SAMD13: variants seen among roughly 807,000 people sequenced by gnomAD.
SAMD13 encodes sterile alpha motif domain-containing protein 13.
In SAMD13, 9 loss-of-function variants were observed where a neutral mutation model predicts 12.4. That is an observed-to-expected ratio of 0.72 (90% CI 0.44 to 1.26). SAMD13 has a LOEUF of 1.26. Among genes scored for constraint, SAMD13 ranks in the 50% most tolerant of loss-of-function variants. SAMD13 has a pLI of 0.00. For synonymous variants in SAMD13, 46 were observed against 45.4 expected, an observed-to-expected ratio of 1.01 and a Z score of -0.05; for missense variants, 84 against 119.6, an observed-to-expected ratio of 0.70 and a Z score of 1.39.
intron 2 of SAMD13, among the ~76,000 whole-genome samples, chr1:84,310,717 T>A (rs1678689619): frequency 6.6e-6 from 1 of 152,218 alleles, no homozygotes; most frequent in Non-Finnish European, 1.5e-5. Flanking sequence ...TTCAAAACTA[T>A]GTCTGTTCAA....
chr1:84,302,953 C>T (rs1678484279), intron 1 of SAMD13: 1 of 333,870 alleles, frequency 3.0e-6, no homozygotes, highest in South Asian at 4.1e-5. Flanking sequence ...AACGAGGATT[C>T]AATTTCATTT....
intron 2 of SAMD13, chr1:84,303,719 A>G (rs1678499997): frequency 6.4e-6 from 1 of 156,916 alleles, no homozygotes; most frequent in Admixed American, 6.1e-5. Flanking sequence ...TTCAGTAAGA[A>G]TATAGTTTAA....
At chr1:84,343,947 G>A (rs907278318) in intron 3 of SAMD13, among the ~76,000 whole-genome samples, 2 of 152,070 alleles carry the variant, frequency 1.3e-5, no homozygotes, top group African/African-American at 4.8e-5. Context: ...GTTATATTTT[G>A]TAAATCTACT....
chr1:84,313,147 G>A (rs1216457528), intron 2 of SAMD13, among the ~76,000 whole-genome samples: 4 of 151,998 alleles, frequency 2.6e-5, no homozygotes, highest in Admixed American at 1.3e-4. Context: ...GTATCCACAT[G>A]TATACATAAC....
intron 3 of SAMD13, among the ~76,000 whole-genome samples, chr1:84,348,079 A>G (rs1679569807): frequency 6.6e-6 from 1 of 152,210 alleles, no homozygotes; most frequent in Admixed American, 6.5e-5. Flanking sequence ...TAGGTGGTTG[A>G]CAAGTAAAAT....
chr1:84,340,672 AT>A (rs1244950197), intron 3 of SAMD13, among the ~76,000 whole-genome samples: 3 of 152,218 alleles, frequency 2.0e-5, no homozygotes, highest in Admixed American at 1.3e-4. Flanking sequence ...ATTTTAAAAA[AT>A]ATTAAGTAAT....
chr1:84,321,294 A>G (rs1201523174), intron 2 of SAMD13, among the ~76,000 whole-genome samples: 1 of 152,138 alleles, frequency 6.6e-6, no homozygotes, highest in African/African-American at 2.4e-5. Flanking sequence ...TGACTGGGCT[A>G]AATGGAAACA....
intron 3 of SAMD13, 99 bp from the exon 4 acceptor site, chr1:84,349,532 C>T: frequency 6.6e-7 from 1 of 1,504,076 alleles, no homozygotes. Context: ...TTAGCTTGGG[C>T]ACAAGTGGTG....
At chr1:84,307,544 C>T (rs1051410240) in intron 2 of SAMD13, among the ~76,000 whole-genome samples, 11 of 152,224 alleles carry the variant, frequency 7.2e-5, no homozygotes, top group African/African-American at 2.2e-4. Context: ...AATTTTCTTG[C>T]GTGGTCATAT....
chr1:84,337,021 T>C (rs1679311481), intron 3 of SAMD13, among the ~76,000 whole-genome samples: 1 of 152,182 alleles, frequency 6.6e-6, no homozygotes, highest in Admixed American at 6.5e-5. Context: ...CAAATCCAGG[T>C]CATGCTGATG....
In SAMD13 at chr1:84,317,529, C is replaced by T. The variant is rs1427405458; in HGVS notation, c.54-8108C>T. 4.0e-5 allele frequency among the ~76,000 whole-genome samples: 6 copies of T among 151,868 alleles called. No individual in the cohort carries two copies. The East Asian group carries it at 5.8e-4, about 15-fold the overall frequency. ...ATTAATTGATTTTCATATGTTGAAC[C>T]GTCCTAGGAATAAATCCCACTAGGT... On this transcript the variant is annotated intron_variant, in intron 2 of 3. Transcript: ENST00000394834.
At chr1:84,299,674 T>TATAC, upstream of SAMD13, 1 of 848,342 alleles carries the variant, frequency 1.2e-6, no homozygotes, top group Non-Finnish European at 1.6e-6. Context: ...TATATATATA[T>TATAC]ATTTATTTAT....
intron 3 of SAMD13, among the ~76,000 whole-genome samples, chr1:84,329,942 A>G (rs1679139553): frequency 6.6e-6 from 1 of 152,160 alleles, no homozygotes; most frequent in African/African-American, 2.4e-5. Flanking sequence ...CTAGCAATCC[A>G]AAGGGTTCAC....
At chr1:84,302,373 C>G (rs868812142) in intron 1 of SAMD13, among the ~76,000 whole-genome samples, 3 of 125,806 alleles carry the variant, frequency 2.4e-5, no homozygotes, top group African/African-American at 6.1e-5. Context: ...CAGTTTTGTT[C>G]GTAGCTTTTT....
chr1:84,346,064 A>C (rs888764671), intron 3 of SAMD13, among the ~76,000 whole-genome samples: 1 of 152,170 alleles, frequency 6.6e-6, no homozygotes, highest in South Asian at 2.1e-4. Context: ...CAGGAATTCT[A>C]CTTCACAAAA....
At position 84,337,946 on chromosome 1, in the gene SAMD13, C is replaced by T. The variant is rs1359881184; in HGVS notation, c.166-11685C>T. Among the ~76,000 whole-genome samples, 7 of 152,316 alleles carry T rather than the reference C, an allele frequency of 4.6e-5. No homozygotes were observed. The East Asian group carries it at 1.4e-3, about 29-fold the overall frequency. ...TCTCTAGGGCAGGGGCAAAATGCCACCAGTCTCTTTGCTAAAATATAACAA... is the reference window on the plus strand; with the variant it reads ...TCTCTAGGGCAGGGGCAAAATGCCATCAGTCTCTTTGCTAAAATATAACAA... On this transcript the variant is annotated intron_variant, in intron 3 of 3. Coordinates refer to ENST00000394834, the MANE Select transcript of SAMD13 (RefSeq NM_001134663.2).
chr1:84,341,898 A>T (rs1235741445), intron 3 of SAMD13, among the ~76,000 whole-genome samples: 1 of 152,238 alleles, frequency 6.6e-6, no homozygotes, highest in African/African-American at 2.4e-5. Context: ...CCAGTAGTAT[A>T]TAATGGCTTA....
chr1:84,320,539 C>T (rs1428632780), intron 2 of SAMD13, among the ~76,000 whole-genome samples: 4 of 152,178 alleles, frequency 2.6e-5, no homozygotes, highest in Admixed American at 1.3e-4. Context: ...ACGGAAATAA[C>T]GCTAATGCTC....
At position 84,315,009 on chromosome 1, in the gene SAMD13, T is replaced by C. The variant is rs190442153; in HGVS notation, c.54-10628T>C. Among the ~76,000 whole-genome samples the C allele has an allele frequency of 4.2e-3, 611 of 144,624 alleles. 5 individuals carry two copies. The highest frequency in any genetic ancestry group is 0.015 in the African/African-American group (583 of 39,936). The allele number at this position is 144,624 out of a possible 152,430, so 94.9% of individuals were successfully genotyped here. A position where few individuals can be genotyped will look rare whatever the true frequency, so the allele number is the denominator to read the frequency against. On this transcript the variant is annotated intron_variant, in intron 2 of 3. Coordinates refer to ENST00000394834, the MANE Select transcript of SAMD13 (RefSeq NM_001134663.2). ...CCCTCCCTCTCTCTCTTTCTCTCCT[T>C]CTCTCTTTCTTTCTCTTTCTTTCTC...
Sources: gnomAD v4.1 joint callset for allele counts (sites outside exome capture counted in the v4.1 genomes callset) on GRCh38, gnomAD v4.1.1 for gene constraint, MANE v1.5 for transcripts, NCBI Gene and HGNC (gene_info 2026-07-23, HGNC 2026-07-21) for gene names.